The following CHAT variants were observed in gnomAD, a reference collection of about 807,000 sequenced individuals.
The protein encoded by CHAT is choline O-acetyltransferase.
A neutral mutation model predicts 76.9 loss-of-function variants in CHAT; 61 were observed. The observed-to-expected ratio is 0.79, with a 90% CI of 0.65 to 0.98. CHAT has a LOEUF of 0.98. CHAT is among the 50% of genes least tolerant of loss of function. The probability of loss-of-function intolerance (pLI) is 0.00; values close to 1 mark genes in which losing one functional copy is unlikely to be tolerated. For missense variants in CHAT, 946 were observed against 986.9 expected, an observed-to-expected ratio of 0.96 and a Z score of 0.56; for synonymous variants, 407 against 397.4, an observed-to-expected ratio of 1.02 and a Z score of -0.29.
intron 7 of CHAT, among the ~76,000 whole-genome samples, chr10:49,628,238 C>G (rs1193472002): frequency 6.6e-6 from 1 of 152,060 alleles, no homozygotes. Context: ...TCAAGCTGTC[C>G]CTTATCTTGT....
chr10:49,620,754 C>T, intron 4 of CHAT, 141 bp downstream of exon 4: 2 of 709,856 alleles, frequency 2.8e-6, no homozygotes, highest in Non-Finnish European at 5.1e-6. Flanking sequence ...AGTGGACGTC[C>T]AGGCCATCAG....
intron 7 of CHAT, among the ~76,000 whole-genome samples, chr10:49,637,973 T>C (rs1479230727): frequency 6.6e-6 from 1 of 152,244 alleles, no homozygotes; most frequent in Non-Finnish European, 1.5e-5. Context: ...GATGATATTG[T>C]TGATTTCTTC....
In CHAT at chr10:49,665,109, C is replaced by CT; in HGVS notation, c.*63_*64insT. Reference sequence around the variant, plus strand: ...TAGAACAGCCAGACCCTGCAGATCCCCACTCCCGTCCCTTACCCCAGCTTT... The same window carrying CT: ...TAGAACAGCCAGACCCTGCAGATCCCTCACTCCCGTCCCTTACCCCAGCTTT... On this transcript the variant is annotated 3_prime_UTR_variant, in exon 15 of 15. Coordinates refer to ENST00000337653, the MANE Select transcript of CHAT (RefSeq NM_020549.5). 1 of 1,576,192 alleles carries CT rather than the reference C, an allele frequency of 6.3e-7. No homozygotes were observed. Among genetic ancestry groups the CT allele is most frequent in the Non-Finnish European group, 8.7e-7 (1 of 1,149,532 alleles).
intron 7 of CHAT, among the ~76,000 whole-genome samples, chr10:49,638,457 G>C (rs1839366839): frequency 6.6e-6 from 1 of 151,902 alleles, no homozygotes; most frequent in African/African-American, 2.4e-5. Context: ...GATGTGTTAG[G>C]GCTTAACTCT....
At position 49,665,504 on chromosome 10, in the gene CHAT, T is replaced by C. The variant is rs140640938; in HGVS notation, c.*458T>C. Among the ~76,000 whole-genome samples the C allele has an allele frequency of 1.7e-3, 253 of 152,202 alleles. No homozygotes were observed. Among genetic ancestry groups the C allele is most frequent in the African/African-American group, 5.1e-3 (210 of 41,530 alleles). On this transcript the variant is annotated 3_prime_UTR_variant, in exon 15 of 15. Coordinates refer to ENST00000337653, the MANE Select transcript of CHAT (RefSeq NM_020549.5). The stretch of plus-strand genomic sequence containing the variant: ...TCCAGGTCATTACCTCTTTTCTTTT[T>C]TGGGGGAGAGGAGGCTGTGTTTTGA...
chr10:49,641,729 A>G (rs1046731609), intron 7 of CHAT, among the ~76,000 whole-genome samples: 5 of 152,200 alleles, frequency 3.3e-5, no homozygotes, highest in African/African-American at 1.2e-4. Flanking sequence ...ATCCCAGTTC[A>G]TCCATCTCCT....
At chr10:49,655,569 GC>G (rs1840010734) in intron 13 of CHAT, 121 bp downstream of exon 13, 3 of 887,692 alleles carry the variant, frequency 3.4e-6, no homozygotes, top group Non-Finnish European at 5.6e-6. Context: ...CGGGGACTTG[GC>G]AAGGCCACTT....
chr10:49,651,831 G>A, intron 10 of CHAT, 53 bp from the exon 11 acceptor site: 3 of 1,572,194 alleles, frequency 1.9e-6, no homozygotes, highest in Non-Finnish European at 1.7e-6. Flanking sequence ...AACCCCAGAT[G>A]CATGCATACT....
intron 7 of CHAT, among the ~76,000 whole-genome samples, chr10:49,642,120 G>A (rs1030269656): frequency 1.7e-4 from 26 of 152,214 alleles, no homozygotes; most frequent in Admixed American, 5.2e-4. Context: ...CTATTACGCC[G>A]GGCTCCTTGA....
intron 6 of CHAT, 62 bp from the exon 7 acceptor site, chr10:49,627,546 A>C: frequency 3.2e-6 from 5 of 1,539,816 alleles, no homozygotes; most frequent in Non-Finnish European, 4.5e-6. Flanking sequence ...GTGAAGGCTG[A>C]GTGAAGGCCT....
At chr10:49,620,002 G>C in intron 3 of CHAT, 86 bp downstream of exon 3, 7 of 1,367,648 alleles carry the variant, frequency 5.1e-6, no homozygotes, top group South Asian at 1.3e-5. Context: ...GCAGGTAGGG[G>C]ACAAAGACAG....
intron 10 of CHAT, among the ~76,000 whole-genome samples, chr10:49,651,380 G>C (rs998358983): frequency 2.0e-5 from 3 of 151,788 alleles, no homozygotes; most frequent in Non-Finnish European, 4.4e-5. Context: ...CAGGCTATGC[G>C]CTCTCCAGTG....
intron 8 of CHAT, among the ~76,000 whole-genome samples, chr10:49,646,904 C>T (rs1839689245): frequency 6.6e-6 from 1 of 152,190 alleles, no homozygotes; most frequent in African/African-American, 2.4e-5. Context: ...TTCTCAGGAG[C>T]CAGTGGCCGA....
Position 49,627,752 on chromosome 10 carries a change from G to C in CHAT, c.1078G>C (p.Glu360Gln), listed in dbSNP as rs767903393. ...CCTGCTGACGTCTGACGGGAGGAGC[G>C]AGTGGGCCGAGGCCAGGACGGTCCT... ...IGLLTSDGRSEWAEARTVLVK... is the reference protein window; with the variant it reads ...IGLLTSDGRSQWAEARTVLVK... Residue 360 changes from glutamate to glutamine, a missense_variant, in exon 7 of 15, where the codon GAG becomes CAG. Around this residue, in one of 3 missense-constraint regions of CHAT, gnomAD observed 548 missense variants for 516.2 expected, o/e 1.06. Coordinates refer to ENST00000337653, the MANE Select transcript of CHAT (RefSeq NM_020549.5). 6.2e-7 allele frequency: 1 copy of C among 1,613,968 alleles called. No homozygotes were observed. The highest frequency in any genetic ancestry group is 8.5e-7 in the Non-Finnish European group (1 of 1,179,886).
chr10:49,653,518 C>T (rs191044591), intron 11 of CHAT, among the ~76,000 whole-genome samples: 11 of 152,334 alleles, frequency 7.2e-5, no homozygotes, highest in Non-Finnish European at 4.4e-5. Flanking sequence ...ACAGGCAGCA[C>T]CCGTGTAGAC....
At chr10:49,621,550 G>C (rs533405044) in intron 4 of CHAT, among the ~76,000 whole-genome samples, 14 of 152,074 alleles carry the variant, frequency 9.2e-5, no homozygotes, top group Non-Finnish European at 2.1e-4. Flanking sequence ...CATTAGTACC[G>C]GGGGGTGGGA....
chr10:49,611,034 G>A, upstream of CHAT: 1 of 1,613,934 alleles, frequency 6.2e-7, no homozygotes, highest in South Asian at 1.1e-5. Context: ...CCAACACCTC[G>A]GCGTCCCCGA....
At chr10:49,641,073 A>ACTTC (rs1839464863) in intron 7 of CHAT, among the ~76,000 whole-genome samples, 2 of 152,218 alleles carry the variant, frequency 1.3e-5, no homozygotes, top group Non-Finnish European at 2.9e-5. Context: ...CAGGGTAGGC[A>ACTTC]ACTACAAGCC....
intron 14 of CHAT, 148 bp from the exon 15 acceptor site, chr10:49,664,629 C>T (rs1840295875): frequency 1.2e-5 from 13 of 1,070,824 alleles, no homozygotes; most frequent in Non-Finnish European, 1.8e-5. Context: ...GTTTTTATGA[C>T]TCTGGCTGTG....
Sources: gnomAD v4.1 joint callset for allele counts (sites outside exome capture counted in the v4.1 genomes callset) on GRCh38, gnomAD v4.1.1 for gene constraint, gnomAD v4.1.1 regional missense constraint, MANE v1.5 for transcripts, NCBI Gene and HGNC (gene_info 2026-07-23, HGNC 2026-07-21) for gene names.